The following TMEM108 variants were observed in gnomAD, a reference collection of about 807,000 sequenced individuals.
TMEM108 encodes the protein transmembrane protein 108.
TMEM108 carries 12 observed loss-of-function variants against 35.1 expected under a neutral mutation model. That is an observed-to-expected ratio of 0.34 (90% CI 0.22 to 0.55). The LOEUF (loss-of-function observed/expected upper bound fraction) is 0.55. Ranked by LOEUF, TMEM108 falls within the 20% of genes least tolerant of loss-of-function variation. TMEM108 has a pLI of 0.89. For synonymous variants in TMEM108, 287 were observed against 308.6 expected (o/e 0.93, Z 0.73); for missense variants, 680 against 753.3 (o/e 0.90, Z 1.14).
chr3:133,238,821 C>A (rs764298912), intron 3 of TMEM108, among the ~76,000 whole-genome samples: 3 of 152,100 alleles, frequency 2.0e-5, no homozygotes, highest in Non-Finnish European at 4.4e-5. Flanking sequence ...AATTTTGACT[C>A]CAAAAATACG....
chr3:133,273,374 C>T (rs1037585594), intron 3 of TMEM108, among the ~76,000 whole-genome samples: 8 of 152,152 alleles, frequency 5.3e-5, no homozygotes, highest in African/African-American at 1.9e-4. Context: ...TTTGTTCATT[C>T]ATCAGAAGCC....
chr3:133,138,122 A>G (rs1944590821), intron 2 of TMEM108, among the ~76,000 whole-genome samples: 2 of 152,190 alleles, frequency 1.3e-5, no homozygotes, highest in Admixed American at 1.3e-4. Flanking sequence ...CCCAGCCAAA[A>G]GAGTAGAGTA....
intron 5 of TMEM108, among the ~76,000 whole-genome samples, chr3:133,392,626 G>T (rs752963776): frequency 2.5e-4 from 38 of 152,104 alleles, no homozygotes; most frequent in Non-Finnish European, 4.7e-4. Flanking sequence ...ACACACCCAA[G>T]ATTGAACCCT....
At chr3:133,099,042 G>A (rs1449330880) in intron 2 of TMEM108, among the ~76,000 whole-genome samples, 1 of 152,202 alleles carries the variant, frequency 6.6e-6, no homozygotes, top group Non-Finnish European at 1.5e-5. Context: ...CCGTAGCAAA[G>A]GTTCTCCATG....
At chr3:133,180,725 G>T (rs532729724) in intron 2 of TMEM108, among the ~76,000 whole-genome samples, 8 of 152,088 alleles carry the variant, frequency 5.3e-5, no homozygotes, top group African/African-American at 1.9e-4. Flanking sequence ...ATAAATATTT[G>T]CAGCTTGATC....
intron 2 of TMEM108, among the ~76,000 whole-genome samples, chr3:133,177,493 G>T (rs1945253153): frequency 6.6e-6 from 1 of 152,348 alleles, no homozygotes; most frequent in Non-Finnish European, 1.5e-5. Context: ...TCATCCCTGG[G>T]ATGCAAGGCT....
At chr3:133,370,901 TGTGTGTGTGTGTGTGTGTGTGC>T (rs2072645068) in intron 3 of TMEM108, among the ~76,000 whole-genome samples, 1 of 140,372 alleles carries the variant, frequency 7.1e-6, no homozygotes, top group Non-Finnish European at 1.6e-5. Context: ...TGTGTGTGTG[TGTGTGTGTGTGTGTGTGTGTGC>T]CAGGAAGCTT....
intron 3 of TMEM108, among the ~76,000 whole-genome samples, chr3:133,253,625 T>G (rs1386654555): frequency 1.3e-5 from 2 of 152,230 alleles, no homozygotes; most frequent in African/African-American, 4.8e-5. Flanking sequence ...ATCAAATTCT[T>G]TAACTCTTTA....
At chr3:133,178,709 G>T (rs1305268895) in intron 2 of TMEM108, among the ~76,000 whole-genome samples, 1 of 152,146 alleles carries the variant, frequency 6.6e-6, no homozygotes, top group Non-Finnish European at 1.5e-5. Flanking sequence ...AAAAACCCTA[G>T]AAGAAAACCT....
At chr3:133,182,802 GT>G (rs1464869674) in intron 2 of TMEM108, among the ~76,000 whole-genome samples, 6 of 152,200 alleles carry the variant, frequency 3.9e-5, no homozygotes, top group Non-Finnish European at 8.8e-5. Context: ...TGAGAAGATA[GT>G]ATTTCAGCCA....
intron 3 of TMEM108, among the ~76,000 whole-genome samples, chr3:133,286,385 G>A (rs1946985828): frequency 6.6e-6 from 1 of 152,088 alleles, no homozygotes; most frequent in South Asian, 2.1e-4. Flanking sequence ...TCAGGCTGGT[G>A]TAGAGTGGTG....
intron 2 of TMEM108, among the ~76,000 whole-genome samples, chr3:133,155,208 A>G (rs1489014567): frequency 5.9e-5 from 9 of 152,146 alleles, no homozygotes; most frequent in Admixed American, 5.2e-4. Flanking sequence ...CTATGGCTGC[A>G]TAGTATTCCA....
At position 133,333,948 on chromosome 3, in the gene TMEM108, A is replaced by T. The variant is rs185541267; in HGVS notation, c.41-45804A>T. ...TTGACTCTGTAAACTTGAAAAAGTC[A>T]TTTCCTTTCTCTGGGCTATGTGGAA... On this transcript the variant is annotated intron_variant, in intron 3 of 5. Coordinates refer to ENST00000321871, the MANE Select transcript of TMEM108 (RefSeq NM_023943.4). 3.8e-3 allele frequency among the ~76,000 whole-genome samples: 575 copies of T among 152,262 alleles called. 1 individual carries two copies. The highest frequency in any genetic ancestry group is 6.6e-3 in the Non-Finnish European group (450 of 68,002).
intron 3 of TMEM108, among the ~76,000 whole-genome samples, chr3:133,260,675 C>T (rs1204645435): frequency 6.6e-6 from 1 of 152,096 alleles, no homozygotes; most frequent in Non-Finnish European, 1.5e-5. Context: ...AAATTCTAAA[C>T]AGATAAATAA....
intron 1 of TMEM108, among the ~76,000 whole-genome samples, chr3:133,039,142 A>G (rs1421787683): frequency 6.6e-6 from 1 of 152,174 alleles, no homozygotes; most frequent in Non-Finnish European, 1.5e-5. Context: ...TCTAAATGAA[A>G]GTCTACAAAA....
rs1553764021 is a variant in TMEM108 at position 133,342,544 on chromosome 3, G to GTATATATATA, written c.41-37205_41-37196dup. 2.4e-4 allele frequency among the ~76,000 whole-genome samples: 11 copies of GTATATATATA among 46,622 alleles called. 1 individual carries two copies. Among genetic ancestry groups the GTATATATATA allele is most frequent in the African/African-American group, 8.2e-4 (9 of 10,936 alleles). 30.6% of individuals were successfully genotyped at this position (46,622 alleles called of 152,430 possible). A position where few individuals can be genotyped will look rare whatever the true frequency, so the allele number is the denominator to read the frequency against. On this transcript the variant is annotated intron_variant, in intron 3 of 5. Coordinates refer to ENST00000321871, the MANE Select transcript of TMEM108 (RefSeq NM_023943.4). Reference sequence around the variant, plus strand: ...TAAAAAAGTTAAAAAAGAAAATGTGGTATATATATATACACACACACACAC... The same window carrying GTATATATATA: ...TAAAAAAGTTAAAAAAGAAAATGTGGTATATATATATATATATATATACACACACACACAC...
In TMEM108 at chr3:133,134,894, A is replaced by C. The variant is rs371136796; in HGVS notation, c.-47+88874A>C. Among the ~76,000 whole-genome samples the C allele has an allele frequency of 5.9e-5, 9 of 151,544 alleles. No homozygotes were observed. The East Asian group carries it at 1.4e-3, about 23-fold the overall frequency. ...TTCTTCCTCACTCCAAGTCCCCCCT[A>C]CCTGTTTAGAGGTTGTTTGCTCTAT... On this transcript the variant is annotated intron_variant, in intron 2 of 5. Transcript: ENST00000321871.
intron 2 of TMEM108, among the ~76,000 whole-genome samples, chr3:133,204,881 G>C (rs934235246): frequency 6.6e-6 from 1 of 152,138 alleles, no homozygotes; most frequent in Admixed American, 6.6e-5. Flanking sequence ...TCATTGATCT[G>C]TCTAATATTC....
chr3:133,262,540 A>C (rs1946639509), intron 3 of TMEM108, among the ~76,000 whole-genome samples: 1 of 152,256 alleles, frequency 6.6e-6, no homozygotes, highest in Admixed American at 6.5e-5. Flanking sequence ...GAGACATAGC[A>C]GTGAGCTTTT....
Sources: gnomAD v4.1 joint callset for allele counts (sites outside exome capture counted in the v4.1 genomes callset) on GRCh38, gnomAD v4.1.1 for gene constraint, MANE v1.5 for transcripts, NCBI Gene and HGNC (gene_info 2026-07-23, HGNC 2026-07-21) for gene names.